KCNB2: variants seen among roughly 807,000 people sequenced by gnomAD.
KCNB2 encodes delayed rectifier potassium channel protein.
Under a neutral mutation model 61.5 loss-of-function variants are expected in KCNB2, and 15 were observed. That is an observed-to-expected ratio of 0.24 (90% confidence interval 0.16 to 0.38). The LOEUF is 0.38. Ranked by LOEUF, KCNB2 falls within the 10% of genes least tolerant of loss-of-function variation. KCNB2 has a pLI of 1.00. For synonymous variants in KCNB2, 457 were observed against 446.0 expected, an observed-to-expected ratio of 1.02 and a Z score of -0.31; for missense variants, 828 against 1,125.2, an observed-to-expected ratio of 0.74 and a Z score of 3.78.
chr8:72,578,183 G>C (rs1446081910), intron 2 of KCNB2, among the ~76,000 whole-genome samples: 1 of 152,306 alleles, frequency 6.6e-6, no homozygotes, highest in Admixed American at 6.5e-5. Flanking sequence ...TTAATACAAT[G>C]GAAATTTACT....
intron 2 of KCNB2, among the ~76,000 whole-genome samples, chr8:72,778,733 C>CAAAAGAAAA (rs1808700759): frequency 7.1e-5 from 1 of 14,172 alleles, no homozygotes; most frequent in Non-Finnish European, 1.1e-4. Context: ...ACAGAGCGAG[C>CAAAAGAAAA]AAAAAAAAAA....
intron 1 of KCNB2, among the ~76,000 whole-genome samples, chr8:72,561,420 A>G (rs779133810): frequency 2.2e-4 from 34 of 151,532 alleles, no homozygotes; most frequent in Admixed American, 4.6e-4. Flanking sequence ...CTCCCAAAAA[A>G]GTTCTATTTT....
chr8:72,614,681 A>T (rs1357605998), intron 2 of KCNB2, among the ~76,000 whole-genome samples: 1 of 152,120 alleles, frequency 6.6e-6, no homozygotes, highest in Non-Finnish European at 1.5e-5. Flanking sequence ...GGATGCTTTA[A>T]ATCTGTCATC....
At chr8:72,673,262 C>T (rs1806594492) in intron 2 of KCNB2, among the ~76,000 whole-genome samples, 1 of 152,142 alleles carries the variant, frequency 6.6e-6, no homozygotes, top group Non-Finnish European at 1.5e-5. Flanking sequence ...CTATAATCCC[C>T]GCATGTCATG....
At chr8:72,727,947 T>G (rs1807680325) in intron 2 of KCNB2, among the ~76,000 whole-genome samples, 1 of 152,204 alleles carries the variant, frequency 6.6e-6, no homozygotes, top group Non-Finnish European at 1.5e-5. Context: ...AGACTTTATT[T>G]GACTACCAGA....
At chr8:72,786,190 A>G (rs1368744597) in intron 2 of KCNB2, among the ~76,000 whole-genome samples, 1 of 152,176 alleles carries the variant, frequency 6.6e-6, no homozygotes, top group African/African-American at 2.4e-5. Context: ...TTTACAGTAT[A>G]ATTTGACCTA....
In KCNB2 at chr8:72,561,705, A is replaced by ATGTGTGTG. The variant is rs1186323623; in HGVS notation, c.-93-5936_-93-5935insGTGTGTGT. 2.0e-4 allele frequency among the ~76,000 whole-genome samples: 4 copies of ATGTGTGTG among 20,254 alleles called. No homozygotes were observed. The African/African-American group carries it at 2.3e-3, about 12-fold the overall frequency. The allele number at this position is 20,254 out of a possible 152,430, so 13.3% of individuals were successfully genotyped here. ...GGATCTTACTTTTATATATATATAT[A>ATGTGTGTG]TATATATATATATATATATATATCT... On this transcript the variant is annotated intron_variant, in intron 1 of 2. Transcript: ENST00000523207.
At chr8:72,799,292 A>T (rs1196219916) in intron 2 of KCNB2, among the ~76,000 whole-genome samples, 1 of 152,200 alleles carries the variant, frequency 6.6e-6, no homozygotes, top group Admixed American at 6.6e-5. Context: ...TAACTAGAAA[A>T]TTAAAATAAC....
At chr8:72,914,096 C>A (rs1438903846) in intron 2 of KCNB2, among the ~76,000 whole-genome samples, 1 of 152,176 alleles carries the variant, frequency 6.6e-6, no homozygotes, top group African/African-American at 2.4e-5. Flanking sequence ...GATTTAGTGT[C>A]TGGTGAGGGC....
chr8:72,776,589 T>A (rs186582834), intron 2 of KCNB2, among the ~76,000 whole-genome samples: 2 of 152,306 alleles, frequency 1.3e-5, no homozygotes, highest in Admixed American at 1.3e-4. Flanking sequence ...ATCTTATTTG[T>A]GTTTCTATGA....
chr8:72,633,890 C>A (rs1198812832), intron 2 of KCNB2, among the ~76,000 whole-genome samples: 1 of 152,144 alleles, frequency 6.6e-6, no homozygotes, highest in African/African-American at 2.4e-5. Context: ...GCCTGCTTAG[C>A]CTGATGCTGC....
intron 2 of KCNB2, among the ~76,000 whole-genome samples, chr8:72,839,958 C>A (rs906225749): frequency 1.3e-5 from 2 of 151,470 alleles, no homozygotes; most frequent in African/African-American, 2.4e-5. Flanking sequence ...ATGTGCAGAA[C>A]GTGCAGGTTT....
chr8:72,720,548 A>G (rs1807531300), intron 2 of KCNB2, among the ~76,000 whole-genome samples: 1 of 151,958 alleles, frequency 6.6e-6, no homozygotes, highest in Non-Finnish European at 1.5e-5. Context: ...TTGTTTCCTC[A>G]CTGTAGTCAC....
chr8:72,649,448 TAGGGAGGA>T lies in KCNB2; in HGVS notation c.579+81148_579+81155del, dbSNP rs918903367. Among the ~76,000 whole-genome samples the T allele has an allele frequency of 9.4e-4, 143 of 151,872 alleles. 1 individual carries two copies. Among genetic ancestry groups the T allele is most frequent in the African/African-American group, 3.4e-3 (141 of 41,440 alleles). Reference sequence around the variant, plus strand: ...CAATAGACACTGGAGACTACTAGAGTAGGGAGGAAGGGAGGAAGGGTTGAAAAACTATT... The same window carrying T: ...CAATAGACACTGGAGACTACTAGAGTAGGGAGGAAGGGTTGAAAAACTATT... On this transcript the variant is annotated intron_variant, in intron 2 of 2. Transcript: ENST00000523207.
At chr8:72,540,132 A>G (rs1041883063) in intron 1 of KCNB2, among the ~76,000 whole-genome samples, 3 of 152,218 alleles carry the variant, frequency 2.0e-5, no homozygotes, top group Non-Finnish European at 4.4e-5. Flanking sequence ...AGAGATCAGT[A>G]TATGTGTATA....
chr8:72,778,803 A>C (rs1808708519), intron 2 of KCNB2, among the ~76,000 whole-genome samples: 1 of 150,838 alleles, frequency 6.6e-6, no homozygotes, highest in Non-Finnish European at 1.5e-5. Flanking sequence ...AAAAAGAAAA[A>C]GAAAGAATTC....
intron 2 of KCNB2, among the ~76,000 whole-genome samples, chr8:72,584,591 C>G (rs1403398685): frequency 6.6e-6 from 1 of 152,092 alleles, no homozygotes; most frequent in African/African-American, 2.4e-5. Flanking sequence ...CAAGATTCAC[C>G]CAATGATAAC....
intron 2 of KCNB2, among the ~76,000 whole-genome samples, chr8:72,716,825 G>A (rs1336344571): frequency 1.3e-5 from 2 of 152,078 alleles, no homozygotes; most frequent in African/African-American, 4.8e-5. Context: ...CAATCAGGCA[G>A]GAGAAGGAAA....
At chr8:72,641,446 G>C (rs1435947981) in intron 2 of KCNB2, among the ~76,000 whole-genome samples, 1 of 152,028 alleles carries the variant, frequency 6.6e-6, no homozygotes, top group Non-Finnish European at 1.5e-5. Context: ...CCTTCTAGAT[G>C]TTCTGACCTT....
Sources: allele counts gnomAD v4.1 joint callset (sites outside exome capture counted in the v4.1 genomes callset), GRCh38; gene constraint gnomAD v4.1.1; transcripts MANE v1.5; gene names NCBI Gene and HGNC (gene_info 2026-07-23, HGNC 2026-07-21).